Variants in ST6GALNAC3 observed in about 807,000 individuals in gnomAD.
The protein encoded by ST6GALNAC3 is ST6 N-acetylgalactosaminide alpha-2,6-sialyltransferase 3.
In ST6GALNAC3, 25 loss-of-function variants were observed where a neutral mutation model predicts 32.7. That is an observed-to-expected ratio of 0.76 (90% CI 0.56 to 1.07). The LOEUF (loss-of-function observed/expected upper bound fraction) is 1.07, where lower values mean the gene tolerates loss of function less well. Among genes scored for constraint, ST6GALNAC3 ranks in the 50% least tolerant of loss-of-function variants. The probability of loss-of-function intolerance (pLI) is 0.00; values close to 1 mark genes in which losing one functional copy is unlikely to be tolerated. For missense variants in ST6GALNAC3, 355 were observed against 382.4 expected (o/e 0.93, Z 0.60); for synonymous variants, 129 against 133.1 (o/e 0.97, Z 0.21).
At chr1:76,207,451 G>T (rs1380070355) in intron 1 of ST6GALNAC3, among the ~76,000 whole-genome samples, 1 of 152,178 alleles carries the variant, frequency 6.6e-6, no homozygotes, top group Non-Finnish European at 1.5e-5. Context: ...ACACAGATTG[G>T]GTAGTTTATC....
At chr1:76,192,719 T>G (rs1043423976) in intron 1 of ST6GALNAC3, among the ~76,000 whole-genome samples, 1 of 152,174 alleles carries the variant, frequency 6.6e-6, no homozygotes, top group Non-Finnish European at 1.5e-5. Flanking sequence ...TTTCAAAGCT[T>G]TTCATGGCTT....
chr1:76,451,878 CT>C (rs1348424040), intron 3 of ST6GALNAC3, among the ~76,000 whole-genome samples: 1 of 152,218 alleles, frequency 6.6e-6, no homozygotes, highest in Non-Finnish European at 1.5e-5. Context: ...GACAGTTTGA[CT>C]TCCTCTTTGC....
intron 1 of ST6GALNAC3, among the ~76,000 whole-genome samples, chr1:76,250,120 A>G (rs1657526288): frequency 6.6e-6 from 1 of 152,076 alleles, no homozygotes; most frequent in African/African-American, 2.4e-5. Flanking sequence ...CACTTTATTT[A>G]TTTATTTATT....
chr1:76,393,621 A>G (rs1433656909), intron 2 of ST6GALNAC3, among the ~76,000 whole-genome samples: 1 of 152,224 alleles, frequency 6.6e-6, no homozygotes, highest in African/African-American at 2.4e-5. Flanking sequence ...CTTCTAAGAA[A>G]AATAGCAAAG....
chr1:76,480,766 A>G (rs79853887), intron 3 of ST6GALNAC3, among the ~76,000 whole-genome samples: 6,001 of 152,206 alleles, frequency 0.039, 245 homozygotes, highest in African/African-American at 0.1. Flanking sequence ...AATAATAAGT[A>G]ATCACTCTCC....
intron 2 of ST6GALNAC3, among the ~76,000 whole-genome samples, chr1:76,363,059 C>T (rs1337890893): frequency 6.6e-6 from 1 of 152,220 alleles, no homozygotes; most frequent in African/African-American, 2.4e-5. Flanking sequence ...CTGCAACAGG[C>T]TTCTTCCTAG....
At chr1:76,111,934 C>G (rs868441581) in intron 1 of ST6GALNAC3, among the ~76,000 whole-genome samples, 2,951 of 151,946 alleles carry the variant, frequency 0.019, 111 homozygotes, top group African/African-American at 0.069. Flanking sequence ...ATCATGGCCC[C>G]TTCTCAATGA....
At chr1:76,177,406 A>C (rs557239535) in intron 1 of ST6GALNAC3, among the ~76,000 whole-genome samples, 1 of 152,190 alleles carries the variant, frequency 6.6e-6, no homozygotes, top group African/African-American at 2.4e-5. Context: ...AAATGTACAG[A>C]AAGAAAAATA....
At chr1:76,609,362 G>C (rs549258923) in intron 3 of ST6GALNAC3, among the ~76,000 whole-genome samples, 2 of 152,138 alleles carry the variant, frequency 1.3e-5, no homozygotes, top group South Asian at 4.1e-4. Flanking sequence ...ACAATTACTT[G>C]TGATGCCAGC....
chr1:76,103,633 A>G (rs1277861956), intron 1 of ST6GALNAC3, among the ~76,000 whole-genome samples: 1 of 152,122 alleles, frequency 6.6e-6, no homozygotes, highest in African/African-American at 2.4e-5. Context: ...ACTGTTCAGG[A>G]GGCTGGAGGT....
At chr1:76,261,474 G>A (rs1194756753) in intron 1 of ST6GALNAC3, among the ~76,000 whole-genome samples, 1 of 152,204 alleles carries the variant, frequency 6.6e-6, no homozygotes, top group Non-Finnish European at 1.5e-5. Flanking sequence ...GCTCCTAGGT[G>A]AGAGAGCCAT....
intron 2 of ST6GALNAC3, among the ~76,000 whole-genome samples, chr1:76,352,498 T>C (rs912610856): frequency 5.4e-5 from 3 of 55,610 alleles, no homozygotes; most frequent in African/African-American, 7.4e-5. Flanking sequence ...TTTGGTTTCC[T>C]TTTTTTTTTT....
chr1:76,538,106 C>T (rs1003088954), intron 3 of ST6GALNAC3, among the ~76,000 whole-genome samples: 3 of 151,994 alleles, frequency 2.0e-5, no homozygotes, highest in Admixed American at 6.6e-5. Flanking sequence ...TGAACATCGA[C>T]ACAAAAATCC....
intron 2 of ST6GALNAC3, among the ~76,000 whole-genome samples, chr1:76,378,166 A>G (rs1457279403): frequency 6.6e-6 from 1 of 152,114 alleles, no homozygotes; most frequent in East Asian, 1.9e-4. Flanking sequence ...ACAAAGAGTG[A>G]AAAAAAGGTT....
intron 3 of ST6GALNAC3, among the ~76,000 whole-genome samples, chr1:76,433,310 A>G (rs1655904514): frequency 6.6e-6 from 1 of 152,134 alleles, no homozygotes; most frequent in African/African-American, 2.4e-5. Context: ...ACCTTAAGAA[A>G]AAAAGAGATT....
chr1:76,273,768 T>A (rs1054134015), intron 1 of ST6GALNAC3, among the ~76,000 whole-genome samples: 2 of 152,208 alleles, frequency 1.3e-5, no homozygotes, highest in African/African-American at 4.8e-5. Context: ...AATCCATGAA[T>A]CTCACTTTTG....
intron 3 of ST6GALNAC3, among the ~76,000 whole-genome samples, chr1:76,527,607 C>T (rs1166274202): frequency 1.3e-5 from 2 of 152,046 alleles, no homozygotes; most frequent in African/African-American, 4.8e-5. Context: ...TGCTAATAGG[C>T]AATCAGAGAC....
At chr1:76,401,971 A>T (rs139842767) in intron 2 of ST6GALNAC3, among the ~76,000 whole-genome samples, 1 of 152,160 alleles carries the variant, frequency 6.6e-6, no homozygotes, top group Non-Finnish European at 1.5e-5. Context: ...AGTGAGCTCT[A>T]GTCTTCTCTA....
chr1:76,626,787 G>T (rs552818654), intron 3 of ST6GALNAC3, among the ~76,000 whole-genome samples: 1 of 151,852 alleles, frequency 6.6e-6, no homozygotes, highest in Non-Finnish European at 1.5e-5. Flanking sequence ...AAGACAGAAG[G>T]TTTGGTTGTT....
Sources: gnomAD v4.1 joint callset for allele counts (sites outside exome capture counted in the v4.1 genomes callset) on GRCh38, gnomAD v4.1.1 for gene constraint, MANE v1.5 for transcripts, NCBI Gene and HGNC (gene_info 2026-07-23, HGNC 2026-07-21) for gene names.